Variants in ELAVL2 observed in about 807,000 individuals in gnomAD.
ELAVL2 encodes ELAV like RNA binding protein 2.
ELAVL2 carries 4 observed loss-of-function variants against 34.6 expected under a neutral mutation model. The observed-to-expected ratio is 0.12, with a 90% CI of 0.06 to 0.26. The LOEUF (loss-of-function observed/expected upper bound fraction) is 0.26. Ranked by LOEUF, ELAVL2 falls within the 10% of genes least tolerant of loss-of-function variation. ELAVL2 has a pLI of 1.00. For missense variants in ELAVL2, 432 were observed against 442.8 expected (o/e 0.98, Z 0.22); for synonymous variants, 193 against 154.8 (o/e 1.25, Z -1.83).
the ELAVL2 span, among the ~76,000 whole-genome samples, chr9:23,837,771 G>C: frequency 6.6e-6 from 1 of 152,084 alleles, no homozygotes; most frequent in Non-Finnish European, 1.5e-5. Flanking sequence ...CAGATATTAC[G>C]ATGAACATAA....
At position 23,701,455 on chromosome 9, in the gene ELAVL2, C is replaced by A. The variant is rs746852182; in HGVS notation, c.637G>T (p.Ala213Ser). 6.2e-7 allele frequency: 1 copy of A among 1,614,058 alleles called. No homozygotes were observed. The highest frequency in any genetic ancestry group is 8.5e-7 in the Non-Finnish European group (1 of 1,179,992). The part of the protein sequence containing the change: ...ANNPSQKTNQ[A>S]ILSQLYQSPN... The stretch of plus-strand genomic sequence containing the variant: ...GACTGGTACAGCTGGGAAAGGATGG[C>A]CTGATTGGTTTTTTGGCTTGGGTTA... The change falls in exon 5 of 7, where the codon GCC becomes TCC. Residue 213 changes from alanine (A) to serine (S), a missense_variant. Around this residue, in one of 3 missense-constraint regions of ELAVL2, gnomAD observed 295 missense variants for 306.1 expected, o/e 0.96. Coordinates refer to ENST00000397312, the MANE Select transcript of ELAVL2 (RefSeq NM_004432.5).
chr9:23,723,569 A>G (rs1311263820), intron 3 of ELAVL2, among the ~76,000 whole-genome samples: 15 of 151,898 alleles, frequency 9.9e-5, no homozygotes, highest in Non-Finnish European at 1.5e-5. Context: ...CATAATAATA[A>G]TTTAAAAAAA....
At chr9:23,839,858 G>A in the ELAVL2 span, among the ~76,000 whole-genome samples, 7 of 152,062 alleles carry the variant, frequency 4.6e-5, no homozygotes, top group African/African-American at 1.7e-4. Flanking sequence ...TCTTTCACAT[G>A]AATATAGTGG....
chr9:23,754,464 T>A (rs930023897), intron 2 of ELAVL2, among the ~76,000 whole-genome samples: 10 of 152,230 alleles, frequency 6.6e-5, no homozygotes, highest in South Asian at 2.1e-4. Flanking sequence ...TTTTATTATT[T>A]TTTTGTGAAA....
intron 1 of ELAVL2, among the ~76,000 whole-genome samples, chr9:23,786,723 T>C (rs964112266): frequency 5.5e-5 from 8 of 145,178 alleles, no homozygotes; most frequent in African/African-American, 1.8e-4. Flanking sequence ...AAGACATTAA[T>C]GTTCAAAAAG....
chr9:23,701,335 T>C, intron 5 of ELAVL2, 44 bp downstream of exon 5: 1 of 1,597,274 alleles, frequency 6.3e-7, no homozygotes. Flanking sequence ...CTGAGTATTC[T>C]CTTTCAGTTT....
rs769195286 is a variant in ELAVL2, at chr9:23,701,494, C to A, written c.598G>T (p.Val200Leu). 3 of 1,613,928 alleles carry A rather than the reference C, an allele frequency of 1.9e-6. No individual in the cohort carries two copies. The highest frequency in any genetic ancestry group is 2.2e-5 in the South Asian group (2 of 91,082). Residue 200 changes from valine (V) to leucine (L), a missense_variant, in exon 5 of 7, where the codon GTA becomes TTA. Val to Leu is a conservative substitution (Grantham distance 32). This residue lies in a region of ELAVL2 where 295 missense variants were observed against 306.1 expected (regional missense o/e 0.96). Transcript: ENST00000397312. ...KPPGATEPIT[V>L]KFANNPSQKT... ...TGGCTTGGGTTATTAGCAAACTTTA[C>A]AGTGATTGGCTCCGTGGCACCGGGA...
intron 1 of ELAVL2, among the ~76,000 whole-genome samples, chr9:23,768,741 T>G (rs1041257937): frequency 6.6e-6 from 1 of 152,130 alleles, no homozygotes; most frequent in Non-Finnish European, 1.5e-5. Flanking sequence ...AATCCAAGCC[T>G]CTGGCCAGCA....
intron 3 of ELAVL2, among the ~76,000 whole-genome samples, chr9:23,720,632 T>G (rs2043438041): frequency 6.6e-6 from 1 of 152,220 alleles, no homozygotes; most frequent in African/African-American, 2.4e-5. Flanking sequence ...GTGCATTATT[T>G]CTTAGGTAAA....
chr9:23,720,117 G>A (rs964951162), intron 3 of ELAVL2, among the ~76,000 whole-genome samples: 12 of 151,526 alleles, frequency 7.9e-5, no homozygotes, highest in South Asian at 2.1e-4. Context: ...GTGAGCCACC[G>A]CGCCTGGCTC....
chr9:23,795,060 G>A (rs1444312330), intron 1 of ELAVL2, among the ~76,000 whole-genome samples: 1 of 152,128 alleles, frequency 6.6e-6, no homozygotes, highest in Non-Finnish European at 1.5e-5. Context: ...AACTAAAGGA[G>A]TAAAATAATA....
intron 5 of ELAVL2, among the ~76,000 whole-genome samples, chr9:23,697,351 A>AT (rs377271677): frequency 3.9e-5 from 6 of 152,318 alleles, no homozygotes; most frequent in African/African-American, 1.4e-4. Flanking sequence ...CATGCATCAC[A>AT]TGAAGTCAGA....
the ELAVL2 span, among the ~76,000 whole-genome samples, chr9:23,837,879 G>A: frequency 6.6e-6 from 1 of 152,134 alleles, no homozygotes; most frequent in Non-Finnish European, 1.5e-5. Context: ...AAAATTTATA[G>A]TTGGATGATT....
At chr9:23,835,698 T>C in the ELAVL2 span, among the ~76,000 whole-genome samples, 1 of 152,176 alleles carries the variant, frequency 6.6e-6, no homozygotes, top group Non-Finnish European at 1.5e-5. Flanking sequence ...TGCAGTTCCC[T>C]CCTGGGCTTA....
At chr9:23,801,847 G>A (rs2061602536) in intron 1 of ELAVL2, among the ~76,000 whole-genome samples, 1 of 152,100 alleles carries the variant, frequency 6.6e-6, no homozygotes, top group Admixed American at 6.5e-5. Context: ...AGGGGGAAGG[G>A]ACTCCCACAG....
intron 2 of ELAVL2, among the ~76,000 whole-genome samples, chr9:23,755,249 C>G (rs2053264304): frequency 6.6e-6 from 1 of 152,252 alleles, no homozygotes; most frequent in African/African-American, 2.4e-5. Flanking sequence ...TGATAAAGAA[C>G]TGTACTGTAT....
chr9:23,840,726 C>T, the ELAVL2 span, among the ~76,000 whole-genome samples: 2 of 152,052 alleles, frequency 1.3e-5, no homozygotes, highest in East Asian at 3.9e-4. Context: ...GCAGTCATTC[C>T]ACTGGCATAG....
chr9:23,722,288 G>A (rs971891680), intron 3 of ELAVL2, among the ~76,000 whole-genome samples: 2 of 152,184 alleles, frequency 1.3e-5, no homozygotes, highest in Non-Finnish European at 2.9e-5. Flanking sequence ...GAAAAACATT[G>A]TCGAAGAATG....
chr9:23,775,571 C>A (rs1320882115), intron 1 of ELAVL2, among the ~76,000 whole-genome samples: 1 of 152,106 alleles, frequency 6.6e-6, no homozygotes, highest in African/African-American at 2.4e-5. Context: ...CATTCCACGG[C>A]TGTGGGGATC....
Sources: allele counts gnomAD v4.1 joint callset (sites outside exome capture counted in the v4.1 genomes callset), GRCh38; gene constraint gnomAD v4.1.1; regional missense constraint gnomAD v4.1.1; transcripts MANE v1.5; gene names NCBI Gene and HGNC (gene_info 2026-07-23, HGNC 2026-07-21).